The following ATP8B4 variants were observed in gnomAD, a reference collection of about 807,000 sequenced individuals.
ATP8B4 encodes ATPase phospholipid transporting 8B4 (putative), also known as probable phospholipid-transporting ATPase IM.
A neutral mutation model predicts 145.6 loss-of-function variants in ATP8B4; 133 were observed. That is an observed-to-expected ratio of 0.91 (90% CI 0.79 to 1.05). The LOEUF is 1.05. Ranked by LOEUF, ATP8B4 falls within the 50% of genes least tolerant of loss-of-function variation. ATP8B4 has a pLI of 0.00. For synonymous variants in ATP8B4, 507 were observed against 492.9 expected (o/e 1.03, Z -0.38); for missense variants, 1,458 against 1,425.2 (o/e 1.02, Z -0.37).
intron 9 of ATP8B4, 67 bp from the exon 10 acceptor site, chr15:49,987,616 G>T: frequency 6.7e-7 from 1 of 1,500,566 alleles, no homozygotes. Context: ...GAAGCCCACA[G>T]CACTGTTTTA....
At chr15:50,139,840 C>T (rs916711337) in intron 1 of ATP8B4, among the ~76,000 whole-genome samples, 2 of 152,210 alleles carry the variant, frequency 1.3e-5, no homozygotes, top group Admixed American at 6.5e-5. Flanking sequence ...ATCACATTTT[C>T]TCTTGAGTCC....
At chr15:49,944,393 T>C (rs573281003) in intron 14 of ATP8B4, among the ~76,000 whole-genome samples, 2 of 151,886 alleles carry the variant, frequency 1.3e-5, no homozygotes, top group African/African-American at 4.8e-5. Flanking sequence ...TCCATGAAAA[T>C]GGCAAACAAA....
In ATP8B4 at chr15:49,942,562, T is replaced by A. The variant is rs1288060571; in HGVS notation, c.1288-8380A>T. Among the ~76,000 whole-genome samples the A allele has an allele frequency of 2.0e-5, 3 of 152,162 alleles. No homozygotes were observed. In the East Asian group the frequency reaches 5.8e-4, roughly 29 times the overall value. ...AACTACAGAAAACACAGTAGTCCCA[T>A]ATCTCCCCACATCCTAGTGATTTAA... On this transcript the variant is annotated intron_variant, in intron 14 of 27. Coordinates refer to ENST00000284509, the MANE Select transcript of ATP8B4 (RefSeq NM_024837.4).
intron 20 of ATP8B4, among the ~76,000 whole-genome samples, chr15:49,916,126 C>T (rs1261087912): frequency 1.3e-5 from 2 of 151,674 alleles, no homozygotes; most frequent in African/African-American, 4.8e-5. Flanking sequence ...AAGCAGCAAG[C>T]AAGCAAAAAT....
chr15:49,879,514 T>G, intron 23 of ATP8B4, 55 bp from the exon 24 acceptor site: 4 of 1,460,576 alleles, frequency 2.7e-6, no homozygotes, highest in Non-Finnish European at 2.8e-6. Flanking sequence ...AGTGAGAATA[T>G]TCACATTTAG....
At chr15:50,049,602 T>C (rs1443086654) in intron 3 of ATP8B4, among the ~76,000 whole-genome samples, 2 of 152,232 alleles carry the variant, frequency 1.3e-5, no homozygotes, top group East Asian at 3.8e-4. Flanking sequence ...AATAGTGCCG[T>C]AATGAACATA....
chr15:50,165,101 G>A (rs1251840973), intron 1 of ATP8B4, among the ~76,000 whole-genome samples: 1 of 151,374 alleles, frequency 6.6e-6, no homozygotes, highest in African/African-American at 2.4e-5. Context: ...CCATGCTGAA[G>A]TCCAGCGGAA....
intron 1 of ATP8B4, among the ~76,000 whole-genome samples, chr15:50,125,598 C>T (rs2057302131): frequency 6.6e-6 from 1 of 152,136 alleles, no homozygotes; most frequent in African/African-American, 2.4e-5. Context: ...GCAGTCTGCA[C>T]TACGGGAGGT....
At chr15:50,104,357 A>G (rs926592659) in intron 2 of ATP8B4, among the ~76,000 whole-genome samples, 3 of 152,306 alleles carry the variant, frequency 2.0e-5, no homozygotes, top group Non-Finnish European at 4.4e-5. Flanking sequence ...TCCAGAATCT[A>G]CAAGGAACTC....
intron 12 of ATP8B4, among the ~76,000 whole-genome samples, chr15:49,974,271 C>T (rs914309980): frequency 3.3e-5 from 5 of 151,706 alleles, no homozygotes; most frequent in East Asian, 1.9e-4. Context: ...TTAGTAGAGA[C>T]GGGGTTTCAC....
At chr15:49,930,860 T>A (rs2041188014) in intron 16 of ATP8B4, among the ~76,000 whole-genome samples, 1 of 152,066 alleles carries the variant, frequency 6.6e-6, no homozygotes, top group Non-Finnish European at 1.5e-5. Flanking sequence ...TTTTTAAAAT[T>A]TTTTTATATT....
rs1258374725 is a variant in ATP8B4 at position 49,896,038 on chromosome 15, G to T, written c.2697+1254C>A. On this transcript the variant is annotated intron_variant, in intron 23 of 27. Transcript: ENST00000284509. ...GGAAGGAAAATCAACAGACTAGGAAGCCACAGGCCACATTCCAATGCTTGT... is the reference window on the plus strand; with the variant it reads ...GGAAGGAAAATCAACAGACTAGGAATCCACAGGCCACATTCCAATGCTTGT... The T allele has an allele frequency of 2.0e-5, 3 of 152,154 alleles. No homozygotes were observed. The East Asian group carries it at 5.8e-4, about 29-fold the overall frequency. The allele number at this position is 152,154 out of a possible 1,614,324, so 9.4% of individuals were successfully genotyped here.
chr15:49,925,026 A>G (rs577932983), intron 16 of ATP8B4, among the ~76,000 whole-genome samples: 59 of 152,164 alleles, frequency 3.9e-4, no homozygotes, highest in Non-Finnish European at 6.6e-4. Context: ...AGACTAGGAC[A>G]TTAGTTCTCT....
At chr15:50,158,434 G>T (rs1457709158) in intron 1 of ATP8B4, among the ~76,000 whole-genome samples, 1 of 150,020 alleles carries the variant, frequency 6.7e-6, no homozygotes, top group Non-Finnish European at 1.5e-5. Flanking sequence ...CCAGGAGGGA[G>T]GTGGGGGGTC....
chr15:50,046,126 G>T (rs1196649541), intron 4 of ATP8B4, among the ~76,000 whole-genome samples: 1 of 150,704 alleles, frequency 6.6e-6, no homozygotes, highest in Non-Finnish European at 1.5e-5. Flanking sequence ...ATATGATCTT[G>T]GTTAAGCCAA....
At chr15:50,026,902 C>T (rs2050049089) in intron 6 of ATP8B4, among the ~76,000 whole-genome samples, 1 of 152,154 alleles carries the variant, frequency 6.6e-6, no homozygotes, top group South Asian at 2.1e-4. Context: ...ACTGGAGGGA[C>T]AGGAGATGGT....
intron 6 of ATP8B4, 45 bp downstream of exon 6, chr15:50,038,722 AG>A (rs1459546426): frequency 6.8e-7 from 1 of 1,460,638 alleles, no homozygotes; most frequent in Admixed American, 1.7e-5. Context: ...GAGCTGTTTC[AG>A]GGTCCTAGAA....
intron 23 of ATP8B4, among the ~76,000 whole-genome samples, chr15:49,884,787 G>A (rs2035974907): frequency 6.6e-6 from 1 of 152,056 alleles, no homozygotes; most frequent in African/African-American, 2.4e-5. Context: ...GCAGGTGAGT[G>A]GCAGGCAAGC....
At position 49,898,258 on chromosome 15, in the gene ATP8B4, G is replaced by T. The variant is rs781362293; in HGVS notation, c.2290-7C>A. 8 of 1,605,252 alleles carry T rather than the reference G, an allele frequency of 5.0e-6. No homozygotes were observed. The South Asian group carries it at 8.8e-5, about 18-fold the overall frequency. On this transcript the variant is annotated splice_region_variant and splice_polypyrimidine_tract_variant and intron_variant, in intron 21 of 27. Coordinates refer to ENST00000284509, the MANE Select transcript of ATP8B4 (RefSeq NM_024837.4). ...CACTTTCTAGGGCATGAGCCTGTAT[G>T]ATTAAAAATAAAATTCAAACAAGAA...
Sources: allele counts gnomAD v4.1 joint callset (sites outside exome capture counted in the v4.1 genomes callset), GRCh38; gene constraint gnomAD v4.1.1; transcripts MANE v1.5; gene names NCBI Gene and HGNC (gene_info 2026-07-23, HGNC 2026-07-21).